TRIM33: variants seen among roughly 807,000 people sequenced by gnomAD.
The protein encoded by TRIM33 is tripartite motif containing 33.
TRIM33 carries 20 observed loss-of-function variants against 125.4 expected under a neutral mutation model. The observed-to-expected ratio is 0.16, with a 90% confidence interval of 0.11 to 0.23. The LOEUF is 0.23. Among genes scored for constraint, TRIM33 ranks in the 10% least tolerant of loss-of-function variants. The probability of loss-of-function intolerance (pLI) is 1.00; values close to 1 mark genes in which losing one functional copy is unlikely to be tolerated. For missense variants in TRIM33, 920 were observed against 1,411.4 expected (o/e 0.65, Z 5.58); for synonymous variants, 564 against 513.9 (o/e 1.10, Z -1.32).
At chr1:114,482,250 T>C (rs1651404972) in intron 1 of TRIM33, among the ~76,000 whole-genome samples, 1 of 152,118 alleles carries the variant, frequency 6.6e-6, no homozygotes, top group African/African-American at 2.4e-5. Context: ...GAGAAATGTA[T>C]AGCTTCAAAG....
chr1:114,489,759 T>C (rs1651934516), intron 1 of TRIM33, among the ~76,000 whole-genome samples: 1 of 150,796 alleles, frequency 6.6e-6, no homozygotes, highest in African/African-American at 2.4e-5. Flanking sequence ...AATAAATAAA[T>C]AAATAAAAAA....
intron 4 of TRIM33, among the ~76,000 whole-genome samples, chr1:114,451,043 C>T (rs536644337): frequency 2.6e-5 from 4 of 152,136 alleles, no homozygotes; most frequent in South Asian, 4.2e-4. Flanking sequence ...AATGAAAAAG[C>T]GCCATTACTA....
At chr1:114,462,530 A>G (rs1489669664) in intron 4 of TRIM33, among the ~76,000 whole-genome samples, 1 of 152,218 alleles carries the variant, frequency 6.6e-6, no homozygotes, top group Admixed American at 6.5e-5. Context: ...AATTTACTGA[A>G]GGATATTGTT....
At chr1:114,508,835 C>T (rs1653159716) in intron 1 of TRIM33, among the ~76,000 whole-genome samples, 1 of 152,156 alleles carries the variant, frequency 6.6e-6, no homozygotes, top group Admixed American at 6.5e-5. Flanking sequence ...CACATTTTAT[C>T]TTACTTCATT....
chr1:114,463,608 TAAAAAAAAA>T, intron 2 of TRIM33, 52 bp from the exon 3 acceptor site: 1 of 829,552 alleles, frequency 1.2e-6, no homozygotes, highest in Non-Finnish European at 1.8e-6. Context: ...AATCTAGATC[TAAAAAAAAA>T]AAAAAACTTG....
chr1:114,470,209 T>C (rs889529209), intron 1 of TRIM33, among the ~76,000 whole-genome samples: 4 of 152,252 alleles, frequency 2.6e-5, no homozygotes, highest in Non-Finnish European at 2.9e-5. Context: ...TTTATACTGC[T>C]TCACAGATGC....
intron 1 of TRIM33, among the ~76,000 whole-genome samples, chr1:114,498,752 G>C (rs996453417): frequency 2.6e-5 from 4 of 152,152 alleles, no homozygotes; most frequent in Non-Finnish European, 5.9e-5. Flanking sequence ...ACTAGAAAAA[G>C]ACAGCGGAGA....
rs371615966 is a variant in TRIM33, at chr1:114,425,538, T to C, written c.1606A>G (p.Met536Val). Residue 536 changes from methionine (M) to valine (V), a missense_variant, in exon 9 of 20, where the codon ATG (methionine) becomes GTG (valine). By Grantham distance (21) the Met-to-Val change is conservative (BLOSUM62 1). Around this residue, in one of 8 missense-constraint regions of TRIM33, gnomAD observed 407 missense variants for 589.7 expected, o/e 0.69. Coordinates refer to ENST00000358465, the MANE Select transcript of TRIM33 (RefSeq NM_015906.4). The part of the protein sequence containing the change: ...QKHQQLQQMR[M>V]QQPPAPVPTT... ...GGTACAGGTGCTGGTGGTTGCTGCA[T>C]CCTCATCTGTTGCAACTGCTGATGT... is the stretch of plus-strand genomic sequence containing the variant. 1.9e-5 allele frequency: 30 copies of C among 1,614,062 alleles called. No individual in the cohort carries two copies. Among genetic ancestry groups the C allele is most frequent in the Non-Finnish European group, 2.5e-5 (30 of 1,180,038 alleles).
chr1:114,498,050 T>A (rs188215528), intron 1 of TRIM33, among the ~76,000 whole-genome samples: 460 of 143,424 alleles, frequency 3.2e-3, no homozygotes, highest in Non-Finnish European at 4.8e-3. Context: ...ATCACTTGAA[T>A]CCAAGAGCGG....
chr1:114,401,320 G>A (rs1228661795), intron 17 of TRIM33, 69 bp downstream of exon 17: 17 of 1,354,568 alleles, frequency 1.3e-5, no homozygotes, highest in East Asian at 4.9e-5. Context: ...CACCGCGCCC[G>A]GCCGCCAGAG....
chr1:114,421,368 G>A, intron 11 of TRIM33, 68 bp downstream of exon 11: 2 of 1,403,506 alleles, frequency 1.4e-6, no homozygotes, highest in Non-Finnish European at 2.0e-6. Flanking sequence ...AAAAAACTCT[G>A]AAATAAATAC....
At chr1:114,470,200 T>C (rs1181854669) in intron 1 of TRIM33, among the ~76,000 whole-genome samples, 1 of 152,232 alleles carries the variant, frequency 6.6e-6, no homozygotes, top group African/African-American at 2.4e-5. Context: ...GCATTTAGCT[T>C]TATACTGCTT....
intron 4 of TRIM33, among the ~76,000 whole-genome samples, chr1:114,452,758 C>T (rs1449176540): frequency 6.8e-6 from 1 of 146,600 alleles, no homozygotes; most frequent in Non-Finnish European, 1.5e-5. Flanking sequence ...AAAAATTAGC[C>T]AGGGATGGTA....
chr1:114,477,352 A>G (rs1294123417), intron 1 of TRIM33, among the ~76,000 whole-genome samples: 3 of 152,132 alleles, frequency 2.0e-5, no homozygotes, highest in African/African-American at 7.2e-5. Flanking sequence ...TAAAGGAAAA[A>G]AAAAAAACAA....
chr1:114,494,872 T>C (rs114369703), intron 1 of TRIM33, among the ~76,000 whole-genome samples: 2,435 of 152,198 alleles, frequency 0.016, 52 homozygotes, highest in African/African-American at 0.056. Context: ...AAACAGAAAA[T>C]TGGCAGCCTA....
chr1:114,405,933 C>T (rs896580090), intron 14 of TRIM33, among the ~76,000 whole-genome samples, 174 bp from the exon 15 acceptor site: 10 of 152,098 alleles, frequency 6.6e-5, no homozygotes, highest in East Asian at 1.9e-4. Flanking sequence ...TATTCAGGCA[C>T]GCTAACATAT....
chr1:114,430,425 G>A (rs1438557436), intron 6 of TRIM33, among the ~76,000 whole-genome samples: 3 of 152,002 alleles, frequency 2.0e-5, no homozygotes, highest in African/African-American at 7.2e-5. Flanking sequence ...TGTATTTTTT[G>A]TAGAGGCAGG....
In TRIM33 at chr1:114,511,017, C is replaced by T; in HGVS notation, c.60G>A (p.Ala20=). ...AESGGGGSGS[A]PVTAGAAGPA... is the part of the protein sequence containing the mutation. The stretch of plus-strand genomic sequence containing the variant: ...GCCCGGCGGCCCCGGCAGTTACCGG[C>T]GCGCTGCCGCTGCCCCCGCCGCCGC... The change falls in exon 1 of 20, where the codon GCG becomes GCA. Residue 20 remains alanine, a synonymous_variant. Coordinates refer to ENST00000358465, the MANE Select transcript of TRIM33 (RefSeq NM_015906.4). 7.6e-7 allele frequency: 1 copy of T among 1,322,094 alleles called. No individual in the cohort carries two copies. Among genetic ancestry groups the T allele is most frequent in the Non-Finnish European group, 9.6e-7 (1 of 1,036,760 alleles). 81.9% of individuals were successfully genotyped at this position (1,322,094 alleles called of 1,614,324 possible).
intron 8 of TRIM33, 76 bp from the exon 9 acceptor site, chr1:114,425,799 C>T: frequency 9.3e-7 from 1 of 1,078,798 alleles, no homozygotes; most frequent in Non-Finnish European, 1.3e-6. Context: ...ACCATGTTTT[C>T]CTCTTTCCTC....
Sources: gnomAD v4.1 joint callset for allele counts (sites outside exome capture counted in the v4.1 genomes callset) on GRCh38, gnomAD v4.1.1 for gene constraint, gnomAD v4.1.1 regional missense constraint, MANE v1.5 for transcripts, NCBI Gene and HGNC (gene_info 2026-07-23, HGNC 2026-07-21) for gene names.